Variants in EDA observed in about 807,000 individuals in gnomAD.
EDA encodes ectodysplasin A, also known as ectodysplasin-A.
EDA carries 2 observed loss-of-function variants against 23.6 expected under a neutral mutation model. The observed-to-expected ratio is 0.08, with a 90% confidence interval of 0.03 to 0.27. The LOEUF is 0.27. Ranked by LOEUF, EDA falls within the 10% of genes least tolerant of loss-of-function variation. The pLI is 1.00. For synonymous variants in EDA, 131 were observed against 132.0 expected, an observed-to-expected ratio of 0.99 and a Z score of 0.05; for missense variants, 229 against 324.2, an observed-to-expected ratio of 0.71 and a Z score of 2.26.
At chrX:69,805,352 A>C (rs1448427437) in intron 1 of EDA, among the ~76,000 whole-genome samples, 1 of 111,300 alleles carries the variant, frequency 9.0e-6, no homozygotes, top group Non-Finnish European at 1.9e-5. Flanking sequence ...AGGTACGAAA[A>C]TATCTGTTAA....
intron 7 of EDA, 95 bp from the exon 8 acceptor site, chrX:70,035,263 C>T: frequency 9.8e-7 from 1 of 1,021,958 alleles, no homozygotes; most frequent in Non-Finnish European, 1.3e-6. Flanking sequence ...ATACTAACAG[C>T]TCATCTGAGA....
Position 69,617,602 on chromosome X carries a change from C to T in EDA, c.396+898C>T, listed in dbSNP as rs758051640. The T allele has an allele frequency of 4.9e-3, 1,210 of 247,781 alleles. 2 individuals carry two copies. Among genetic ancestry groups the T allele is most frequent in the Non-Finnish European group, 7.4e-3 (1,001 of 134,505 alleles). The allele number at this position is 247,781 out of a possible 1,213,427, so 20.4% of individuals were successfully genotyped here. ...TTGTTTTCTATTCTATTCTTTCTAG[C>T]TTTTTATTCAAGTAAATTTCGTTCA... On this transcript the variant is annotated intron_variant, in intron 1 of 7. Coordinates refer to ENST00000374552, the MANE Select transcript of EDA (RefSeq NM_001399.5).
intron 1 of EDA, among the ~76,000 whole-genome samples, chrX:69,955,374 TTACC>T (rs1178552518): frequency 1.8e-5 from 2 of 111,897 alleles, no homozygotes; most frequent in Non-Finnish European, 3.8e-5. Flanking sequence ...AAGATGGAAA[TTACC>T]TACACATTGA....
intron 1 of EDA, among the ~76,000 whole-genome samples, chrX:69,706,410 A>G (rs1010199753): frequency 1.8e-5 from 2 of 112,137 alleles, no homozygotes; most frequent in African/African-American, 6.5e-5. Context: ...TATCGATGAA[A>G]AGTGTCAAAC....
chrX:69,913,859 G>A (rs1422592177), intron 1 of EDA, among the ~76,000 whole-genome samples: 1 of 111,672 alleles, frequency 9.0e-6, no homozygotes, highest in East Asian at 2.8e-4. Flanking sequence ...TTTCAATGTT[G>A]TTGTGTCTCT....
At chrX:69,777,144 TTTGTTGTTGTTG>T (rs140366037) in intron 1 of EDA, among the ~76,000 whole-genome samples, 4 of 106,837 alleles carry the variant, frequency 3.7e-5, no homozygotes, top group East Asian at 2.9e-4. Flanking sequence ...GATTCTGGGT[TTTGTTGTTGTTG>T]TTGTTGTTGT....
intron 2 of EDA, among the ~76,000 whole-genome samples, chrX:69,988,042 GGGTAAGA>G (rs2019530536): frequency 8.9e-6 from 1 of 112,160 alleles, no homozygotes; most frequent in African/African-American, 3.2e-5. Flanking sequence ...TGCCCAATGG[GGGTAAGA>G]GGTTGAGCTT....
In EDA at chrX:69,749,060, G is replaced by T. The variant is rs1469127083; in HGVS notation, c.396+132356G>T. ...CCACTAACTCGTCATCTAGCATTAG[G>T]TATATCTCCCAGTGCTATCCCTCCC... On this transcript the variant is annotated intron_variant, in intron 1 of 7. Transcript: ENST00000374552. Among the ~76,000 whole-genome samples the T allele has an allele frequency of 6.6e-5, 6 of 91,600 alleles. No homozygotes were observed. The East Asian group carries it at 2.3e-3, about 35-fold the overall frequency. The allele number at this position is 91,600 out of a possible 115,157, so 79.5% of individuals were successfully genotyped here. A position where few individuals can be genotyped will look rare whatever the true frequency, so the allele number is the denominator to read the frequency against.
chrX:70,035,192 C>A (rs910603238), intron 7 of EDA, among the ~76,000 whole-genome samples, 166 bp from the exon 8 acceptor site: 1 of 111,970 alleles, frequency 8.9e-6, no homozygotes, highest in Non-Finnish European at 1.9e-5. Flanking sequence ...ATGCCTGTCA[C>A]CTGTCCTTTC....
At chrX:69,793,376 GT>G (rs5902662) in intron 1 of EDA, among the ~76,000 whole-genome samples, 1 of 99,071 alleles carries the variant, frequency 1.0e-5, no homozygotes. Context: ...TAATAGTAGG[GT>G]TTTTTTTTTT....
intron 2 of EDA, among the ~76,000 whole-genome samples, chrX:69,960,414 G>A (rs2019082242): frequency 9.0e-6 from 1 of 111,650 alleles, no homozygotes; most frequent in Non-Finnish European, 1.9e-5. Context: ...GGAAGCAAAG[G>A]AGAGAAGCAG....
intron 1 of EDA, among the ~76,000 whole-genome samples, chrX:69,739,848 T>C (rs1230653299): frequency 9.0e-6 from 1 of 111,402 alleles, no homozygotes; most frequent in Non-Finnish European, 1.9e-5. Context: ...CACATGCACA[T>C]ATATATTACA....
At chrX:69,732,893 G>A (rs1480064210) in intron 1 of EDA, among the ~76,000 whole-genome samples, 1 of 111,808 alleles carries the variant, frequency 8.9e-6, no homozygotes, top group Admixed American at 9.5e-5. Flanking sequence ...CTGCATAAAT[G>A]TCTTCTTTTG....
chrX:69,842,417 C>T (rs772733286), intron 1 of EDA, among the ~76,000 whole-genome samples: 1 of 111,465 alleles, frequency 9.0e-6, no homozygotes, highest in Non-Finnish European at 1.9e-5. Flanking sequence ...ATAAAGTGCA[C>T]AATAAATGTA....
At chrX:70,013,433 G>A (rs895728868) in intron 2 of EDA, among the ~76,000 whole-genome samples, 1 of 111,203 alleles carries the variant, frequency 9.0e-6, no homozygotes, top group African/African-American at 3.3e-5. Context: ...GGTAGTGGCT[G>A]TGTTCCCCTG....
At chrX:70,025,199 T>C (rs906786025) in intron 3 of EDA, among the ~76,000 whole-genome samples, 14 of 111,582 alleles carry the variant, frequency 1.3e-4, no homozygotes, top group African/African-American at 4.6e-4. Flanking sequence ...CTGCAACCAT[T>C]AGTCTCTTGG....
At chrX:69,937,885 C>G (rs2147684310) in intron 1 of EDA, 1 of 1,201,564 alleles carries the variant, frequency 8.3e-7, no homozygotes, top group Non-Finnish European at 1.1e-6. Flanking sequence ...GCAACCACAC[C>G]TGGAAACTCG....
intron 1 of EDA, among the ~76,000 whole-genome samples, chrX:69,832,487 T>C (rs965005310): frequency 2.7e-5 from 3 of 111,996 alleles, no homozygotes; most frequent in East Asian, 5.6e-4. Context: ...TCCAGCTTTG[T>C]TCTTTTTGCT....
intron 1 of EDA, among the ~76,000 whole-genome samples, chrX:69,744,732 A>T (rs2013564423): frequency 1.8e-5 from 2 of 112,149 alleles, no homozygotes; most frequent in Non-Finnish European, 3.8e-5. Context: ...TTAGAGTAGC[A>T]AGGGTTGGTT....
Sources: allele counts gnomAD v4.1 joint callset (sites outside exome capture counted in the v4.1 genomes callset), GRCh38; gene constraint gnomAD v4.1.1; transcripts MANE v1.5; gene names NCBI Gene and HGNC (gene_info 2026-07-23, HGNC 2026-07-21).